FRMD3: variants seen among roughly 807,000 people sequenced by gnomAD.
FRMD3 encodes the protein FERM domain containing 3.
A neutral mutation model predicts 70.2 loss-of-function variants in FRMD3; 33 were observed. The ratio of observed to expected loss-of-function variants is 0.47; its 90% CI spans 0.36 to 0.63. The LOEUF is 0.63. Among genes scored for constraint, FRMD3 ranks in the 20% least tolerant of loss-of-function variants. The probability of loss-of-function intolerance (pLI) is 0.00; values close to 1 mark genes in which losing one functional copy is unlikely to be tolerated. For synonymous variants in FRMD3, 279 were observed against 255.9 expected, an observed-to-expected ratio of 1.09 and a Z score of -0.86; for missense variants, 632 against 711.4, an observed-to-expected ratio of 0.89 and a Z score of 1.27.
chr9:83,461,437 G>T (rs868704312), intron 1 of FRMD3, among the ~76,000 whole-genome samples: 1 of 152,080 alleles, frequency 6.6e-6, no homozygotes, highest in South Asian at 2.1e-4. Context: ...TACAGCATCA[G>T]TGTAAAACTA....
chr9:83,541,553 A>T (rs998787005), upstream of FRMD3, among the ~76,000 whole-genome samples: 14 of 152,260 alleles, frequency 9.2e-5, no homozygotes, highest in African/African-American at 3.4e-4. Context: ...CAAAGGAAGG[A>T]CTGCCATCTT....
intron 1 of FRMD3, among the ~76,000 whole-genome samples, chr9:83,483,170 T>C (rs2131481971): frequency 6.6e-6 from 1 of 152,298 alleles, no homozygotes; most frequent in East Asian, 1.9e-4. Flanking sequence ...CTCGTGACAG[T>C]GAATGAGTTC....
chr9:83,572,507 T>C, the FRMD3 span, among the ~76,000 whole-genome samples: 1 of 152,158 alleles, frequency 6.6e-6, no homozygotes, highest in Non-Finnish European at 1.5e-5. Flanking sequence ...TATGTAGTTA[T>C]CCCCTGAGAG....
intron 13 of FRMD3, among the ~76,000 whole-genome samples, chr9:83,252,364 GAAGGAAGT>G: frequency 6.6e-6 from 1 of 152,308 alleles, no homozygotes; most frequent in Admixed American, 6.5e-5. Context: ...AAGAGCTCCT[GAAGGAAGT>G]ACTAAATATG....
intron 1 of FRMD3, among the ~76,000 whole-genome samples, chr9:83,519,096 A>G (rs1413665012): frequency 6.6e-6 from 1 of 152,184 alleles, no homozygotes; most frequent in Admixed American, 6.5e-5. Flanking sequence ...AGACTTCATG[A>G]CTAAAACACC....
At chr9:83,567,697 A>G in the FRMD3 span, among the ~76,000 whole-genome samples, 1 of 152,206 alleles carries the variant, frequency 6.6e-6, no homozygotes, top group Non-Finnish European at 1.5e-5. Flanking sequence ...GGCAAAATGC[A>G]GCCAGCCTCT....
At chr9:83,287,431 A>G (rs574366952) in intron 13 of FRMD3, among the ~76,000 whole-genome samples, 26 of 152,186 alleles carry the variant, frequency 1.7e-4, no homozygotes, top group Admixed American at 3.3e-4. Flanking sequence ...CATTCTCTAC[A>G]CATCACCAGA....
intron 13 of FRMD3, among the ~76,000 whole-genome samples, chr9:83,251,876 C>A (rs1832444670): frequency 6.6e-6 from 1 of 151,974 alleles, no homozygotes; most frequent in Non-Finnish European, 1.5e-5. Context: ...ATGTGAAGAG[C>A]CTGAACCTAT....
intron 1 of FRMD3, among the ~76,000 whole-genome samples, chr9:83,446,626 G>A (rs543075125): frequency 3.1e-5 from 4 of 130,860 alleles, no homozygotes; most frequent in Admixed American, 1.7e-4. Flanking sequence ...CAGCCTGGGC[G>A]ACAGAGCAAG....
intron 2 of FRMD3, among the ~76,000 whole-genome samples, chr9:83,378,798 T>TATATATATACTATAAATTTTATATAA (rs1825261378): frequency 9.6e-6 from 1 of 104,710 alleles, no homozygotes; most frequent in Non-Finnish European, 1.8e-5. Context: ...ATGTATAATT[T>TATATATATACTATAAATTTTATATAA]ATATATATAC....
chr9:83,478,842 G>C lies in FRMD3; in HGVS notation c.147+59243C>G, dbSNP rs143820378. Among the ~76,000 whole-genome samples the C allele has an allele frequency of 2.1e-3, 314 of 152,134 alleles. 3 individuals are homozygous for C. The highest frequency in any genetic ancestry group is 7.5e-3 in the African/African-American group (310 of 41,528). ...ACAGGATTGCCTTCAAGCAGAGTAA[G>C]GCATCTCCCTCAGTTTCCCAGAGTT... On this transcript the variant is annotated intron_variant, in intron 1 of 13. Transcript: ENST00000304195.
At chr9:83,577,635 T>C in the FRMD3 span, among the ~76,000 whole-genome samples, 1 of 152,102 alleles carries the variant, frequency 6.6e-6, no homozygotes, top group Non-Finnish European at 1.5e-5. Flanking sequence ...TCTGTGATCT[T>C]GGGTTAGACA....
chr9:83,455,246 T>G (rs1827784709), intron 1 of FRMD3, among the ~76,000 whole-genome samples: 1 of 152,216 alleles, frequency 6.6e-6, no homozygotes, highest in Non-Finnish European at 1.5e-5. Flanking sequence ...CATAGCCACA[T>G]ATCCCTAAGC....
chr9:83,289,144 G>A (rs1323515258), intron 13 of FRMD3, among the ~76,000 whole-genome samples: 1 of 152,150 alleles, frequency 6.6e-6, no homozygotes, highest in African/African-American at 2.4e-5. Context: ...AAGAAACTCA[G>A]AAAACCCTTA....
upstream of FRMD3, among the ~76,000 whole-genome samples, chr9:83,540,286 C>CCA (rs1277705026): frequency 6.6e-6 from 1 of 152,098 alleles, no homozygotes; most frequent in African/African-American, 2.4e-5. Context: ...TCTTTTAAGA[C>CCA]CACACACACA....
downstream of FRMD3, chr9:83,243,286 G>T: frequency 6.9e-7 from 1 of 1,458,638 alleles, no homozygotes; most frequent in East Asian, 2.5e-5. Flanking sequence ...GGACAAGTAA[G>T]CAGCGACCTT....
intron 1 of FRMD3, among the ~76,000 whole-genome samples, chr9:83,526,202 C>G (rs1216899866): frequency 2.0e-5 from 3 of 152,166 alleles, no homozygotes; most frequent in African/African-American, 7.2e-5. Flanking sequence ...CTTAGGGACC[C>G]GTGCCTAAAA....
chr9:83,310,439 T>A (rs376473530), intron 9 of FRMD3, 46 bp downstream of exon 9: 2 of 1,453,002 alleles, frequency 1.4e-6, no homozygotes, highest in African/African-American at 2.8e-5. Context: ...TGAATCTCTC[T>A]CATGCACACA....
At position 83,512,016 on chromosome 9, in the gene FRMD3, TCA is replaced by T. The variant is rs1829349599; in HGVS notation, c.147+26067_147+26068del. 2.0e-5 allele frequency among the ~76,000 whole-genome samples: 3 copies of T among 152,286 alleles called. No individual in the cohort carries two copies. In the South Asian group the frequency reaches 6.2e-4, roughly 32 times the overall value. On this transcript the variant is annotated intron_variant, in intron 1 of 13. Transcript: ENST00000304195. ...TCTTGGACAGACTCAGGTTCAAATC[TCA>T]GTCTACTGCTTACTGGCTATGTGAC...
Sources: gnomAD v4.1 joint callset for allele counts (sites outside exome capture counted in the v4.1 genomes callset) on GRCh38, gnomAD v4.1.1 for gene constraint, MANE v1.5 for transcripts, NCBI Gene and HGNC (gene_info 2026-07-23, HGNC 2026-07-21) for gene names.